Variants in GRIN3A observed in about 807,000 individuals in gnomAD.
GRIN3A encodes glutamate receptor ionotropic, NMDA 3A.
In GRIN3A, 47 loss-of-function variants were observed where a neutral mutation model predicts 92.4. The observed-to-expected ratio is 0.51, with a 90% CI of 0.40 to 0.65. The LOEUF is 0.65. Ranked by LOEUF, GRIN3A falls within the 30% of genes least tolerant of loss-of-function variation. GRIN3A has a pLI of 0.00. For synonymous variants in GRIN3A, 527 were observed against 540.6 expected (o/e 0.97, Z 0.35); for missense variants, 1,324 against 1,393.1 (o/e 0.95, Z 0.79).
chr9:101,653,452 G>C (rs1020296060), intron 3 of GRIN3A, among the ~76,000 whole-genome samples: 6 of 151,638 alleles, frequency 4.0e-5, no homozygotes, highest in African/African-American at 1.2e-4. Context: ...TTTAGCTTAC[G>C]TCTGTTTTAA....
Position 101,738,322 on chromosome 9 carries a change from C to G in GRIN3A, c.-343G>C. On this transcript the variant is annotated 5_prime_UTR_variant, in exon 1 of 9. Transcript: ENST00000361820. ...GCGCCTCGGGCACTGCGTCCGGCCC[C>G]GCGAGGCGGCCGGGATGAGAAGCAG... 1 of 334,608 alleles carries G rather than the reference C, an allele frequency of 3.0e-6. No individual in the cohort carries two copies. The highest frequency in any genetic ancestry group is 5.5e-6 in the Non-Finnish European group (1 of 182,118). 20.7% of individuals were successfully genotyped at this position (334,608 alleles called of 1,614,324 possible).
chr9:101,610,591 A>ATCTG (rs1828350132), intron 6 of GRIN3A, among the ~76,000 whole-genome samples: 1 of 137,472 alleles, frequency 7.3e-6, no homozygotes, highest in Non-Finnish European at 1.6e-5. Context: ...CTATCTATCT[A>ATCTG]TCTATCTATC....
intron 1 of GRIN3A, among the ~76,000 whole-genome samples, chr9:101,732,971 T>A (rs921769714): frequency 2.6e-5 from 4 of 152,188 alleles, no homozygotes; most frequent in African/African-American, 9.7e-5. Context: ...TTTTGGCCAC[T>A]ATTTCATATG....
In GRIN3A at chr9:101,573,375, A is replaced by T; in HGVS notation, c.3147T>A (p.Pro1049=). The T allele has an allele frequency of 6.2e-7, 1 of 1,613,850 alleles. No homozygotes were observed. The highest frequency in any genetic ancestry group is 8.5e-7 in the Non-Finnish European group (1 of 1,179,914). ...AGGCAGGGAGCTCTCTTCTCCTTGG[A>T]GGGAGGGGGATGTCCTGGTGGATCC... ...GIRIHQDIPL[P]PRRRELPALR... The change falls in exon 9 of 9, where the codon CCT becomes CCA. Residue 1049 remains proline, a synonymous_variant. Transcript: ENST00000361820.
chr9:101,674,989 A>G (rs149433680), intron 2 of GRIN3A, among the ~76,000 whole-genome samples: 2,477 of 151,818 alleles, frequency 0.016, 78 homozygotes, highest in African/African-American at 0.056. Flanking sequence ...AATGACTTTA[A>G]CAGAGATCTA....
intron 1 of GRIN3A, among the ~76,000 whole-genome samples, chr9:101,700,225 G>A (rs1286734625): frequency 2.0e-5 from 3 of 152,190 alleles, no homozygotes; most frequent in African/African-American, 7.2e-5. Flanking sequence ...CTGATTGAAT[G>A]AATAAATGGG....
intron 6 of GRIN3A, among the ~76,000 whole-genome samples, chr9:101,587,366 T>TA (rs1827963496): frequency 6.6e-6 from 1 of 151,760 alleles, no homozygotes; most frequent in Non-Finnish European, 1.5e-5. Context: ...TCAATATATG[T>TA]ACTGTTTAAA....
At chr9:101,669,144 A>C (rs1376012054) in intron 3 of GRIN3A, among the ~76,000 whole-genome samples, 5 of 151,896 alleles carry the variant, frequency 3.3e-5, no homozygotes, top group Non-Finnish European at 7.4e-5. Context: ...TCAGATCTGC[A>C]CTCTGTTTCC....
chr9:101,684,608 A>G (rs374038081), intron 2 of GRIN3A, among the ~76,000 whole-genome samples: 1 of 152,196 alleles, frequency 6.6e-6, no homozygotes, highest in African/African-American at 2.4e-5. Context: ...TCCTTGTGGA[A>G]GGAAGAACAT....
intron 6 of GRIN3A, chr9:101,594,469 C>T: frequency 6.2e-7 from 1 of 1,614,160 alleles, no homozygotes; most frequent in Non-Finnish European, 8.5e-7. Context: ...CACTGAATTC[C>T]TCAAAGGATA....
At chr9:101,609,681 C>T (rs966693735) in intron 6 of GRIN3A, among the ~76,000 whole-genome samples, 2 of 152,150 alleles carry the variant, frequency 1.3e-5, no homozygotes, top group Non-Finnish European at 2.9e-5. Context: ...TCCTTAGGTC[C>T]TCCTCCACCT....
chr9:101,644,695 T>C (rs1165138283), intron 3 of GRIN3A, among the ~76,000 whole-genome samples: 2 of 151,968 alleles, frequency 1.3e-5, no homozygotes, highest in Non-Finnish European at 2.9e-5. Flanking sequence ...GGAAGTTTTA[T>C]AGCATAAACA....
intron 1 of GRIN3A, among the ~76,000 whole-genome samples, chr9:101,704,504 A>G (rs1829789683): frequency 1.3e-5 from 2 of 152,218 alleles, no homozygotes; most frequent in South Asian, 4.1e-4. Flanking sequence ...ATGTAGCAAA[A>G]GCAATACACA....
At position 101,666,801 on chromosome 9, in the gene GRIN3A, T is replaced by C. The variant is rs895029205; in HGVS notation, c.2352+3259A>G. On this transcript the variant is annotated intron_variant, in intron 3 of 8. Transcript: ENST00000361820. Reference sequence around the variant, plus strand: ...ACTCTTTGTTGCCTCTCCCAACCAATTAATTGCCAAGTCCTGCTGATTGGA... The same window carrying C: ...ACTCTTTGTTGCCTCTCCCAACCAACTAATTGCCAAGTCCTGCTGATTGGA... Among the ~76,000 whole-genome samples, 3 of 152,220 alleles carry C rather than the reference T, an allele frequency of 2.0e-5. No homozygotes were observed. The South Asian group carries it at 6.2e-4, about 32-fold the overall frequency.
intron 1 of GRIN3A, among the ~76,000 whole-genome samples, chr9:101,700,298 C>T (rs901739513): frequency 2.6e-5 from 4 of 152,128 alleles, no homozygotes; most frequent in Admixed American, 1.3e-4. Context: ...AAGAGTATGT[C>T]TATTTTTTAT....
intron 3 of GRIN3A, among the ~76,000 whole-genome samples, chr9:101,629,109 A>G (rs1828679169): frequency 6.6e-6 from 1 of 152,212 alleles, no homozygotes; most frequent in South Asian, 2.1e-4. Flanking sequence ...TATATGGTAT[A>G]TTCTTATAGA....
intron 4 of GRIN3A, among the ~76,000 whole-genome samples, chr9:101,624,302 C>A (rs1381382773): frequency 6.6e-6 from 1 of 151,514 alleles, no homozygotes; most frequent in Non-Finnish European, 1.5e-5. Flanking sequence ...TATACATGTG[C>A]CATGCTGGTG....
At chr9:101,608,341 G>A (rs370681891) in intron 6 of GRIN3A, among the ~76,000 whole-genome samples, 19 of 152,242 alleles carry the variant, frequency 1.2e-4, no homozygotes, top group South Asian at 1.0e-3. Flanking sequence ...CCTGATATTA[G>A]CCTTTTATTC....
At chr9:101,723,524 G>A (rs888244760) in intron 1 of GRIN3A, among the ~76,000 whole-genome samples, 2 of 152,216 alleles carry the variant, frequency 1.3e-5, no homozygotes, top group African/African-American at 2.4e-5. Context: ...GTGTGGAAAG[G>A]GACCCGAGCC....
Sources: allele counts gnomAD v4.1 joint callset (sites outside exome capture counted in the v4.1 genomes callset), GRCh38; gene constraint gnomAD v4.1.1; transcripts MANE v1.5; gene names NCBI Gene and HGNC (gene_info 2026-07-23, HGNC 2026-07-21).